The following RNF220 variants were observed in gnomAD, a reference collection of about 807,000 sequenced individuals.
The protein encoded by RNF220 is ring finger protein 220.
RNF220 carries 7 observed loss-of-function variants against 67.1 expected under a neutral mutation model. The observed-to-expected ratio is 0.10, with a 90% CI of 0.06 to 0.20. RNF220 has a LOEUF of 0.20. Ranked by LOEUF, RNF220 falls within the 10% of genes least tolerant of loss-of-function variation. RNF220 has a pLI of 1.00. For synonymous variants in RNF220, 270 were observed against 283.2 expected (o/e 0.95, Z 0.47); for missense variants, 565 against 740.3 (o/e 0.76, Z 2.75).
intron 2 of RNF220, among the ~76,000 whole-genome samples, chr1:44,418,497 TGGCCTCTGA>T (rs1332950422): frequency 6.6e-6 from 1 of 152,178 alleles, no homozygotes; most frequent in Non-Finnish European, 1.5e-5. Flanking sequence ...CGAGTCGCGG[TGGCCTCTGA>T]GGCTCGCAGC....
rs759745213 is a variant in RNF220 at position 44,645,626 on chromosome 1, G to A, written c.1445+138G>A. The A allele has an allele frequency of 1.7e-5, 13 of 787,332 alleles. No homozygotes were observed. Among genetic ancestry groups the A allele is most frequent in the Non-Finnish European group, 2.3e-5 (11 of 481,116 alleles). The allele number at this position is 787,332 out of a possible 1,614,324, so 48.8% of individuals were successfully genotyped here. On this transcript the variant is annotated intron_variant, in intron 12 of 14. Transcript: ENST00000361799. The surrounding 1 kb of genome is among the most constrained non-coding windows in gnomAD (Gnocchi z 5.0). ...GTGCTGCTGCCCTGGGCACACGGCC[G>A]GCAGTGGAGCCCAGCTGGTGCTAAG...
At position 44,649,272 on chromosome 1, in the gene RNF220, G is replaced by A. The variant is rs767940794; in HGVS notation, c.1446-389G>A. The A allele has an allele frequency of 2.5e-4, 70 of 282,182 alleles. No individual in the cohort carries two copies. Among genetic ancestry groups the A allele is most frequent in the Non-Finnish European group, 3.7e-4 (54 of 146,028 alleles). 17.5% of individuals were successfully genotyped at this position (282,182 alleles called of 1,614,324 possible). ...AGAGTGGAATAGAGATGAGGGGCCT[G>A]GAGGCAGAAAGGCTGTCTGGAAAAA... is the stretch of plus-strand genomic sequence containing the variant. On this transcript the variant is annotated intron_variant, in intron 12 of 14. Coordinates refer to ENST00000361799, the MANE Select transcript of RNF220 (RefSeq NM_018150.4). The surrounding 1 kb of genome is among the most constrained non-coding windows in gnomAD (Gnocchi z 5.9).
At chr1:44,564,115 G>A (rs998045539) in intron 2 of RNF220, among the ~76,000 whole-genome samples, 2 of 152,216 alleles carry the variant, frequency 1.3e-5, no homozygotes, top group African/African-American at 4.8e-5. Context: ...GAGGTCATCT[G>A]CTAAGAGTGG....
At position 44,645,307 on chromosome 1, in the gene RNF220, G is replaced by C. The variant is rs1470704420; in HGVS notation, c.1366+31G>C. 1.9e-6 allele frequency: 3 copies of C among 1,613,748 alleles called. No homozygotes were observed. Reference sequence around the variant, plus strand: ...TCCTGCCCCAGGTTAGGAGTAATGGGGGAGAGGGGGTATCCCTAGATGGTG... The same window carrying C: ...TCCTGCCCCAGGTTAGGAGTAATGGCGGAGAGGGGGTATCCCTAGATGGTG... On this transcript the variant is annotated intron_variant, in intron 11 of 14. Coordinates refer to ENST00000361799, the MANE Select transcript of RNF220 (RefSeq NM_018150.4). This position sits in a 1 kb window ranked among gnomAD's most constrained non-coding sequence, Gnocchi z 5.0.
At chr1:44,484,864 C>A (rs929027442) in intron 2 of RNF220, among the ~76,000 whole-genome samples, 1 of 152,204 alleles carries the variant, frequency 6.6e-6, no homozygotes, top group Non-Finnish European at 1.5e-5. Context: ...GCTCTGACAG[C>A]CGGGCACGGT....
chr1:44,636,456 A>G (rs1644334444), intron 8 of RNF220: 2 of 717,594 alleles, frequency 2.8e-6, no homozygotes, highest in East Asian at 5.4e-5. Context: ...CCGCGTTAGC[A>G]CCTGCATAAA....
At chr1:44,520,605 C>T (rs1051099322) in intron 2 of RNF220, among the ~76,000 whole-genome samples, 4 of 152,226 alleles carry the variant, frequency 2.6e-5, no homozygotes, top group African/African-American at 9.6e-5. Context: ...GCGTCTTGCC[C>T]ATCTTAAAGT....
intron 2 of RNF220, among the ~76,000 whole-genome samples, chr1:44,574,425 A>C (rs564091018): frequency 1.3e-5 from 2 of 152,340 alleles, no homozygotes; most frequent in Admixed American, 1.3e-4. Flanking sequence ...CCTGCAACTC[A>C]TGAGTATACT....
chr1:44,413,014 G>A (rs894321045), intron 2 of RNF220, among the ~76,000 whole-genome samples: 4 of 152,168 alleles, frequency 2.6e-5, no homozygotes, highest in African/African-American at 9.7e-5. Context: ...TGCCACCGAC[G>A]TACTGAAGTG....
Position 44,412,027 on chromosome 1 carries a change from A to T in RNF220, c.-71A>T. 1 of 1,534,022 alleles carries T rather than the reference A, an allele frequency of 6.5e-7. No individual in the cohort carries two copies. Among genetic ancestry groups the T allele is most frequent in the Non-Finnish European group, 8.8e-7 (1 of 1,135,920 alleles). ...CCAGTAATATTCCCTGCCCTGACCC[A>T]AAGTGCTGGTTGGCCTCCCTCCCAG... On this transcript the variant is annotated 5_prime_UTR_variant, in exon 2 of 15. Coordinates refer to ENST00000361799, the MANE Select transcript of RNF220 (RefSeq NM_018150.4). The surrounding 1 kb of genome is among the most constrained non-coding windows in gnomAD (Gnocchi z 5.3).
At chr1:44,647,245 T>G (rs1644677731) in intron 12 of RNF220, among the ~76,000 whole-genome samples, 1 of 152,192 alleles carries the variant, frequency 6.6e-6, no homozygotes, top group Non-Finnish European at 1.5e-5. Context: ...GCTGCAGGCC[T>G]TAGTTTCCCC....
intron 2 of RNF220, among the ~76,000 whole-genome samples, chr1:44,494,205 C>CAAAAAAAAAAA (rs375116674): frequency 7.3e-5 from 9 of 122,468 alleles, no homozygotes; most frequent in African/African-American, 1.9e-4. Context: ...GAAACTCTGT[C>CAAAAAAAAAAA]AAAAAAAAAA....
rs1644774885 is a variant in RNF220 at position 44,650,989 on chromosome 1, C to T, written c.*214C>T. ...CCCAGGCACTACCTGCTGGCTCCCA[C>T]CTATGGTTTGGGGGCCATACCTGTT... On this transcript the variant is annotated 3_prime_UTR_variant, in exon 15 of 15. Coordinates refer to ENST00000361799, the MANE Select transcript of RNF220 (RefSeq NM_018150.4). This position sits in a 1 kb window ranked among gnomAD's most constrained non-coding sequence, Gnocchi z 4.3. The T allele has an allele frequency of 3.4e-6, 2 of 580,912 alleles. No homozygotes were observed. The highest frequency in any genetic ancestry group is 1.9e-5 in the African/African-American group (1 of 53,984). 36.0% of individuals were successfully genotyped at this position (580,912 alleles called of 1,614,324 possible). A position where few individuals can be genotyped will look rare whatever the true frequency, so the allele number is the denominator to read the frequency against.
At chr1:44,466,539 A>G (rs771937734) in intron 2 of RNF220, among the ~76,000 whole-genome samples, 1 of 152,254 alleles carries the variant, frequency 6.6e-6, no homozygotes, top group Non-Finnish European at 1.5e-5. Context: ...TATAGCAGAT[A>G]TAGCCTTACA....
intron 1 of RNF220, chr1:44,408,953 C>T (rs1647684483): frequency 6.6e-6 from 1 of 152,294 alleles, no homozygotes; most frequent in Admixed American, 6.5e-5. Flanking sequence ...ATTACCTACT[C>T]TCTGAGACTT....
chr1:44,639,707 T>G (rs1459979026), intron 8 of RNF220, among the ~76,000 whole-genome samples: 1 of 152,254 alleles, frequency 6.6e-6, no homozygotes, highest in Non-Finnish European at 1.5e-5. Context: ...TCCAAGTAGC[T>G]GGATGAGAAG....
chr1:44,501,638 T>G (rs903119811), intron 2 of RNF220, among the ~76,000 whole-genome samples: 1 of 151,992 alleles, frequency 6.6e-6, no homozygotes, highest in African/African-American at 2.4e-5. Flanking sequence ...AGCCTTTGAC[T>G]TTTTAAGCCA....
At chr1:44,432,212 T>A (rs996784086) in intron 2 of RNF220, among the ~76,000 whole-genome samples, 2 of 152,226 alleles carry the variant, frequency 1.3e-5, no homozygotes, top group African/African-American at 4.8e-5. Context: ...AACAGGATCC[T>A]GCTACTCTGT....
intron 2 of RNF220, among the ~76,000 whole-genome samples, chr1:44,502,229 A>C (rs1018418705): frequency 6.6e-6 from 1 of 151,962 alleles, no homozygotes; most frequent in Non-Finnish European, 1.5e-5. Context: ...CTCCTGGCTA[A>C]GGCTGCCGCA....
Sources: gnomAD v4.1 joint callset for allele counts (sites outside exome capture counted in the v4.1 genomes callset) on GRCh38, gnomAD v4.1.1 for gene constraint, Gnocchi (gnomAD v3.1) non-coding constraint, MANE v1.5 for transcripts, NCBI Gene and HGNC (gene_info 2026-07-23, HGNC 2026-07-21) for gene names.